PFKP: variants seen among roughly 807,000 people sequenced by gnomAD.
PFKP encodes the protein ATP-dependent 6-phosphofructokinase, platelet type.
Under a neutral mutation model 94.3 loss-of-function variants are expected in PFKP, and 101 were observed. That is an observed-to-expected ratio of 1.07 (90% CI 0.91 to 1.26). The LOEUF is 1.26. Among genes scored for constraint, PFKP ranks in the 50% most tolerant of loss-of-function variants. PFKP has a pLI of 0.00. For missense variants in PFKP, 1,145 were observed against 1,103.3 expected (o/e 1.04, Z -0.53); for synonymous variants, 573 against 432.6 (o/e 1.32, Z -4.03).
intron 17 of PFKP, among the ~76,000 whole-genome samples, chr10:3,132,160 G>C (rs990705307): frequency 1.3e-5 from 2 of 152,172 alleles, no homozygotes; most frequent in African/African-American, 4.8e-5. Flanking sequence ...AGTGGCCGCC[G>C]TGAGGGCTGC....
rs912115145 is a variant in PFKP at position 3,098,082 on chromosome 10, T to C, written c.187-1193T>C. Among the ~76,000 whole-genome samples the C allele has an allele frequency of 2.6e-5, 4 of 152,172 alleles. No individual in the cohort carries two copies. In the East Asian group the frequency reaches 7.7e-4, roughly 29 times the overall value. On this transcript the variant is annotated intron_variant, in intron 2 of 21. Coordinates refer to ENST00000381125, the MANE Select transcript of PFKP (RefSeq NM_002627.5). ...AAATTTATAAATATAAGTATACAAATTGGCCAGCTATCAAGGTGCCTGCAC... is the reference window on the plus strand; with the variant it reads ...AAATTTATAAATATAAGTATACAAACTGGCCAGCTATCAAGGTGCCTGCAC...
At chr10:3,105,699 G>T (rs540895599) in intron 7 of PFKP, among the ~76,000 whole-genome samples, 198 bp downstream of exon 7, 2 of 152,278 alleles carry the variant, frequency 1.3e-5, no homozygotes, top group South Asian at 2.1e-4. Flanking sequence ...GGCAGAAGAG[G>T]TTTCATTTAA....
intron 21 of PFKP, 46 bp from the exon 22 acceptor site, chr10:3,136,404 C>A (rs45590841): frequency 6.2e-7 from 1 of 1,603,976 alleles, no homozygotes; most frequent in Non-Finnish European, 8.5e-7. Context: ...AGGCATCTCC[C>A]GCCAGTGACT....
At chr10:3,104,769 G>A (rs562782344) in intron 5 of PFKP, 147 of 358,500 alleles carry the variant, frequency 4.1e-4, no homozygotes, top group East Asian at 9.8e-4. Flanking sequence ...AGCAGCTGCC[G>A]ACTGTGCCCA....
chr10:3,128,094 C>G lies in PFKP; in HGVS notation c.1684-1725C>G, dbSNP rs1438925323. Among the ~76,000 whole-genome samples, 4 of 131,130 alleles carry G rather than the reference C, an allele frequency of 3.1e-5. No individual in the cohort carries two copies. The South Asian group carries it at 8.1e-4, about 26-fold the overall frequency. The allele number at this position is 131,130 out of a possible 152,430, so 86.0% of individuals were successfully genotyped here. Reference sequence around the variant, plus strand: ...GGAATCCTGCAGGATCAGCCGTTGACCAGGACGGACGGACGGCTGGCTGGG... The same window carrying G: ...GGAATCCTGCAGGATCAGCCGTTGAGCAGGACGGACGGACGGCTGGCTGGG... On this transcript the variant is annotated intron_variant, in intron 16 of 21. Coordinates refer to ENST00000381125, the MANE Select transcript of PFKP (RefSeq NM_002627.5).
At position 3,082,458 on chromosome 10, in the gene PFKP, C is replaced by T. The variant is rs542187326; in HGVS notation, c.183C>T (p.Tyr61=). Residue 61 remains tyrosine, a synonymous_variant, in exon 2 of 22, where the codon TAC becomes TAT. Coordinates refer to ENST00000381125, the MANE Select transcript of PFKP (RefSeq NM_002627.5). ...TGGGGGCCAAGGTGTACTTCATCTA[C>T]GAGGTCAGTGTCTGCCCCTCACCCC... ...IYVGAKVYFI[Y]EGYQGMVDGG... is the part of the protein sequence containing the mutation. 6.2e-5 allele frequency: 100 copies of T among 1,604,078 alleles called. No homozygotes were observed. In the South Asian group the frequency reaches 9.6e-4, roughly 15 times the overall value.
intron 16 of PFKP, chr10:3,125,031 A>G (rs997210881): frequency 6.8e-5 from 77 of 1,134,114 alleles, no homozygotes; most frequent in Non-Finnish European, 8.1e-5. Context: ...GGACCTCAGC[A>G]CAGGCCCTGG....
At chr10:3,125,085 C>A in intron 16 of PFKP, 2 of 1,256,060 alleles carry the variant, frequency 1.6e-6, no homozygotes, top group East Asian at 6.0e-5. Context: ...CCGCTTGGCC[C>A]TGCTGCTTCA....
intron 1 of PFKP, among the ~76,000 whole-genome samples, chr10:3,074,136 A>G (rs1293167970): frequency 2.0e-5 from 3 of 152,314 alleles, no homozygotes; most frequent in Middle Eastern, 3.4e-3. Flanking sequence ...CACTGCACCC[A>G]GCCTTATTTC....
chr10:3,071,067 T>G (rs1004825443), intron 1 of PFKP, among the ~76,000 whole-genome samples: 1 of 152,148 alleles, frequency 6.6e-6, no homozygotes, highest in Non-Finnish European at 1.5e-5. Flanking sequence ...ATCTCCACCA[T>G]GTTTTTCAGG....
At chr10:3,070,746 G>A (rs1416529909) in intron 1 of PFKP, among the ~76,000 whole-genome samples, 7 of 152,038 alleles carry the variant, frequency 4.6e-5, no homozygotes, top group Non-Finnish European at 7.4e-5. Context: ...CGTAGACCAC[G>A]AAGAGTACTT....
intron 2 of PFKP, among the ~76,000 whole-genome samples, chr10:3,091,299 T>C (rs1167598119): frequency 6.6e-6 from 1 of 152,152 alleles, no homozygotes; most frequent in Non-Finnish European, 1.5e-5. Flanking sequence ...TATCAGATGC[T>C]TTGACCCAAA....
At chr10:3,135,538 G>T (rs2306315) in intron 20 of PFKP, among the ~76,000 whole-genome samples, 198 bp from the exon 21 acceptor site, 1 of 151,936 alleles carries the variant, frequency 6.6e-6, no homozygotes, top group Non-Finnish European at 1.5e-5. Context: ...GGAAGCCCTC[G>T]GGGCAGTCCC....
chr10:3,129,609 G>A (rs894165134), intron 16 of PFKP: 56 of 568,986 alleles, frequency 9.8e-5, no homozygotes, highest in Admixed American at 2.4e-4. Flanking sequence ...CCTCCAGGTG[G>A]CTGCCATGGT....
At chr10:3,100,862 C>CAAAATAAAAATAAA (rs754923021) in intron 3 of PFKP, 5 of 653,980 alleles carry the variant, frequency 7.6e-6, no homozygotes, top group Non-Finnish European at 1.2e-5. Context: ...GTATGTGGTG[C>CAAAATAAAAATAAA]AAAAAAAAAA....
intron 16 of PFKP, among the ~76,000 whole-genome samples, chr10:3,126,851 T>C (rs1838001714): frequency 6.6e-6 from 1 of 152,260 alleles, no homozygotes; most frequent in Non-Finnish European, 1.5e-5. Context: ...GGATCGCCTC[T>C]GCGTCCTTGC....
At position 3,113,077 on chromosome 10, in the gene PFKP, C is replaced by T. The variant is rs375159581; in HGVS notation, c.1155-42C>T. 1,110 of 1,572,318 alleles carry T rather than the reference C, an allele frequency of 7.1e-4. 2 individuals are homozygous for T. The highest frequency in any genetic ancestry group is 8.9e-4 in the Non-Finnish European group (1,024 of 1,149,480). ...CTCCACATGAGCCCTGAGTTGTGTCCGGTATTCTCGACTCCGGTCCAACGA... is the reference window on the plus strand; with the variant it reads ...CTCCACATGAGCCCTGAGTTGTGTCTGGTATTCTCGACTCCGGTCCAACGA... On this transcript the variant is annotated intron_variant, in intron 11 of 21. Coordinates refer to ENST00000381125, the MANE Select transcript of PFKP (RefSeq NM_002627.5).
chr10:3,100,527 A>T (rs1564297008), intron 3 of PFKP, among the ~76,000 whole-genome samples: 1 of 152,144 alleles, frequency 6.6e-6, no homozygotes, highest in Non-Finnish European at 1.5e-5. Flanking sequence ...GTATCGAAAC[A>T]CGCACTCACG....
At chr10:3,126,443 G>C (rs748934813) in intron 16 of PFKP, among the ~76,000 whole-genome samples, 1 of 152,224 alleles carries the variant, frequency 6.6e-6, no homozygotes, top group African/African-American at 2.4e-5. Context: ...CTCTCCTTTA[G>C]CACCTTGTAG....
Sources: allele counts gnomAD v4.1 joint callset (sites outside exome capture counted in the v4.1 genomes callset), GRCh38; gene constraint gnomAD v4.1.1; transcripts MANE v1.5; gene names NCBI Gene and HGNC (gene_info 2026-07-23, HGNC 2026-07-21).